DDX60L: variants seen among roughly 807,000 people sequenced by gnomAD.
The protein encoded by DDX60L is probable ATP-dependent RNA helicase DDX60-like.
Under a neutral mutation model 211.6 loss-of-function variants are expected in DDX60L, and 191 were observed. The ratio of observed to expected loss-of-function variants is 0.90; its 90% CI spans 0.80 to 1.02. The LOEUF is 1.02. Among genes scored for constraint, DDX60L ranks in the 50% least tolerant of loss-of-function variants. The pLI, the probability that DDX60L is intolerant of heterozygous loss-of-function variation, is 0.00. For synonymous variants in DDX60L, 706 were observed against 694.1 expected, an observed-to-expected ratio of 1.02 and a Z score of -0.27; for missense variants, 2,007 against 1,984.1, an observed-to-expected ratio of 1.01 and a Z score of -0.22.
chr4:168,464,715 C>A (rs896422530), intron 4 of DDX60L, among the ~76,000 whole-genome samples: 3 of 151,964 alleles, frequency 2.0e-5, no homozygotes, highest in African/African-American at 7.2e-5. Flanking sequence ...TGGAAACATG[C>A]CAAATCTGCT....
At chr4:168,409,741 A>G (rs1029901297) in intron 22 of DDX60L, among the ~76,000 whole-genome samples, 1 of 152,238 alleles carries the variant, frequency 6.6e-6, no homozygotes, top group African/African-American at 2.4e-5. Flanking sequence ...TTACTCGTGC[A>G]TTCGATCCAC....
At chr4:168,407,882 T>C (rs188484078) in intron 22 of DDX60L, among the ~76,000 whole-genome samples, 9 of 152,342 alleles carry the variant, frequency 5.9e-5, no homozygotes, top group Middle Eastern at 3.4e-3. Flanking sequence ...GTCTTCAAGA[T>C]TGTGGTGAGA....
At chr4:168,360,971 T>C (rs960001651) in intron 37 of DDX60L, among the ~76,000 whole-genome samples, 178 bp downstream of exon 37, 1 of 152,194 alleles carries the variant, frequency 6.6e-6, no homozygotes, top group Non-Finnish European at 1.5e-5. Context: ...CGTGACAGTG[T>C]CCTGAGGAAT....
chr4:168,390,506 T>C, intron 29 of DDX60L: 2 of 1,405,268 alleles, frequency 1.4e-6, no homozygotes, highest in Non-Finnish European at 1.8e-6. Context: ...GTCTTCATAT[T>C]CCAGTCTAGG....
chr4:168,362,764 T>C (rs1339712310), intron 36 of DDX60L, among the ~76,000 whole-genome samples: 1 of 152,070 alleles, frequency 6.6e-6, no homozygotes, highest in Non-Finnish European at 1.5e-5. Context: ...TCTTTTGAAA[T>C]AACCAGTCAA....
chr4:168,360,839 T>C (rs555040292), intron 37 of DDX60L, among the ~76,000 whole-genome samples: 11 of 152,318 alleles, frequency 7.2e-5, no homozygotes, highest in South Asian at 2.1e-4. Context: ...AAATTGAGTA[T>C]AGTGAGAATA....
intron 9 of DDX60L, among the ~76,000 whole-genome samples, chr4:168,447,766 C>G (rs1755043237): frequency 4.0e-5 from 6 of 151,312 alleles, no homozygotes; most frequent in Admixed American, 3.3e-4. Context: ...TCTCAGTAAA[C>G]TATCGCAAGA....
chr4:168,361,009 A>C (rs1739015404), intron 37 of DDX60L, 140 bp downstream of exon 37: 2 of 645,516 alleles, frequency 3.1e-6, no homozygotes, highest in Non-Finnish European at 5.5e-6. Flanking sequence ...GGATAGCTGA[A>C]TTGTAGAGAA....
chr4:168,461,454 T>C (rs1320303434), intron 5 of DDX60L, among the ~76,000 whole-genome samples: 1 of 152,154 alleles, frequency 6.6e-6, no homozygotes, highest in Non-Finnish European at 1.5e-5. Flanking sequence ...TATGAATAGA[T>C]AGATATAATA....
chr4:168,429,153 C>A (rs1396544000), intron 13 of DDX60L, among the ~76,000 whole-genome samples: 1 of 149,130 alleles, frequency 6.7e-6, no homozygotes, highest in Non-Finnish European at 1.5e-5. Context: ...AATTCCTTTT[C>A]TTTTTTTTTT....
chr4:168,416,220 G>A (rs1055923786), intron 20 of DDX60L, among the ~76,000 whole-genome samples: 1 of 152,210 alleles, frequency 6.6e-6, no homozygotes, highest in Admixed American at 6.5e-5. Context: ...GTCAATGACT[G>A]TGTCCCAGTT....
chr4:168,358,813 C>T (rs949722209), intron 37 of DDX60L, among the ~76,000 whole-genome samples: 8 of 152,050 alleles, frequency 5.3e-5, no homozygotes, highest in East Asian at 3.9e-4. Flanking sequence ...CCACCGTGTC[C>T]GGCCACAGTT....
At chr4:168,431,859 C>T (rs1752411899) in intron 12 of DDX60L, among the ~76,000 whole-genome samples, 1 of 152,060 alleles carries the variant, frequency 6.6e-6, no homozygotes, top group South Asian at 2.1e-4. Context: ...ATGGGCTTTA[C>T]TTTTTGTAGA....
chr4:168,465,318 T>C (rs1187036516), intron 4 of DDX60L, among the ~76,000 whole-genome samples: 3 of 152,138 alleles, frequency 2.0e-5, no homozygotes, highest in African/African-American at 7.2e-5. Flanking sequence ...TTCAGCTCAC[T>C]TGCCCACATT....
chr4:168,449,658 A>AAAAAAAAAAAAAAAAAAAAAAAAT (rs1755464345), intron 8 of DDX60L, among the ~76,000 whole-genome samples: 1 of 91,126 alleles, frequency 1.1e-5, no homozygotes, highest in Admixed American at 1.1e-4. Flanking sequence ...AATGCAAAAA[A>AAAAAAAAAAAAAAAAAAAAAAAAT]AAAAAAAGAA....
At chr4:168,470,097 T>C (rs1384195667) in intron 4 of DDX60L, 2 of 152,186 alleles carry the variant, frequency 1.3e-5, no homozygotes, top group Non-Finnish European at 2.9e-5. Flanking sequence ...ATTAGCCATT[T>C]GATAAATACC....
intron 4 of DDX60L, 42 bp from the exon 5 acceptor site, chr4:168,462,082 T>C (rs1239405179): frequency 1.4e-6 from 2 of 1,387,656 alleles, no homozygotes; most frequent in Admixed American, 4.4e-5. Flanking sequence ...TTTCAAATCT[T>C]CCTTTACTTA....
intron 36 of DDX60L, among the ~76,000 whole-genome samples, chr4:168,369,531 G>A (rs954931159): frequency 2.0e-5 from 3 of 148,342 alleles, no homozygotes; most frequent in Non-Finnish European, 3.0e-5. Flanking sequence ...GACTGGGCAA[G>A]GATTTTTTAA....
intron 14 of DDX60L, 101 bp downstream of exon 14, chr4:168,426,969 G>T: frequency 4.8e-6 from 6 of 1,254,118 alleles, no homozygotes; most frequent in Non-Finnish European, 6.5e-6. Flanking sequence ...TCAGACAATG[G>T]ATTATACAAA....
Sources: allele counts gnomAD v4.1 joint callset (sites outside exome capture counted in the v4.1 genomes callset), GRCh38; gene constraint gnomAD v4.1.1; transcripts MANE v1.5; gene names NCBI Gene and HGNC (gene_info 2026-07-23, HGNC 2026-07-21).